FAF1: variants seen among roughly 807,000 people sequenced by gnomAD.
The protein encoded by FAF1 is FAS-associated factor 1.
A neutral mutation model predicts 92.5 loss-of-function variants in FAF1; 25 were observed. The observed-to-expected ratio is 0.27, with a 90% confidence interval of 0.20 to 0.38. The LOEUF (loss-of-function observed/expected upper bound fraction) is 0.38, where lower values mean the gene tolerates loss of function less well. Ranked by LOEUF, FAF1 falls within the 10% of genes least tolerant of loss-of-function variation. The pLI is 1.00. For missense variants in FAF1, 636 were observed against 793.3 expected (o/e 0.80, Z 2.38); for synonymous variants, 234 against 273.2 (o/e 0.86, Z 1.42).
chr1:50,597,693 G>GA (rs1651890027), intron 8 of FAF1, among the ~76,000 whole-genome samples: 1 of 151,966 alleles, frequency 6.6e-6, no homozygotes, highest in South Asian at 2.1e-4. Flanking sequence ...ACATCTTAAG[G>GA]AAAAAATAGC....
At chr1:50,606,473 G>A (rs1380546267) in intron 8 of FAF1, among the ~76,000 whole-genome samples, 4 of 129,604 alleles carry the variant, frequency 3.1e-5, no homozygotes, top group Non-Finnish European at 6.5e-5. Context: ...TAGATATATT[G>A]TAGCTGTGAG....
chr1:50,573,077 C>T (rs1650523788), intron 12 of FAF1, among the ~76,000 whole-genome samples: 1 of 151,698 alleles, frequency 6.6e-6, no homozygotes, highest in Non-Finnish European at 1.5e-5. Context: ...GAGAGAGTGA[C>T]TTCTCTGTGA....
intron 15 of FAF1, among the ~76,000 whole-genome samples, chr1:50,528,482 G>GATTCTTA (rs1015043827): frequency 2.6e-5 from 4 of 151,984 alleles, no homozygotes; most frequent in Admixed American, 2.6e-4. Flanking sequence ...TGACACTAGG[G>GATTCTTA]GTAAATGGAT....
At chr1:50,529,495 A>G (rs1033546682) in intron 15 of FAF1, among the ~76,000 whole-genome samples, 59 of 152,358 alleles carry the variant, frequency 3.9e-4, no homozygotes, top group African/African-American at 1.4e-3. Context: ...TGTGAAATAA[A>G]TGTGAACAAA....
chr1:50,846,431 C>G (rs536261348), intron 2 of FAF1: 3 of 397,882 alleles, frequency 7.5e-6, no homozygotes, highest in South Asian at 3.9e-5. Flanking sequence ...TCCTGGGAAC[C>G]AGCTCGCTTC....
At chr1:50,662,178 GAGAC>G (rs1338565452) in intron 7 of FAF1, among the ~76,000 whole-genome samples, 1 of 152,100 alleles carries the variant, frequency 6.6e-6, no homozygotes, top group Non-Finnish European at 1.5e-5. Context: ...ACAGTAACTG[GAGAC>G]ATTTCTTTTT....
intron 13 of FAF1, among the ~76,000 whole-genome samples, chr1:50,559,915 T>C (rs1031235857): frequency 1.3e-5 from 2 of 152,204 alleles, no homozygotes; most frequent in African/African-American, 4.8e-5. Flanking sequence ...ATAAAGGGAA[T>C]AAAGAAGTTT....
In FAF1 at chr1:50,758,648, G is replaced by A. The variant is rs578241506; in HGVS notation, c.368-13873C>T. On this transcript the variant is annotated intron_variant, in intron 4 of 18. Coordinates refer to ENST00000396153, the MANE Select transcript of FAF1 (RefSeq NM_007051.3). ...TTAACTTAATCTTCCATCTGTTATC[G>A]TTTTCTTTCAGGCTGCCTGGGTGCT... Among the ~76,000 whole-genome samples the A allele has an allele frequency of 2.5e-4, 38 of 152,012 alleles. No homozygotes were observed. The Middle Eastern group carries it at 0.014, about 54-fold the overall frequency.
At chr1:50,894,304 TAAAAAAAAAAAA>T (rs34801737) in intron 1 of FAF1, among the ~76,000 whole-genome samples, 4 of 62,998 alleles carry the variant, frequency 6.3e-5, no homozygotes, top group African/African-American at 1.6e-4. Flanking sequence ...GTCTCAAAAT[TAAAAAAAAAAAA>T]AAAAAAAAAA....
At chr1:50,792,049 T>C (rs1034331832) in intron 3 of FAF1, among the ~76,000 whole-genome samples, 2 of 152,158 alleles carry the variant, frequency 1.3e-5, no homozygotes, top group Non-Finnish European at 2.9e-5. Context: ...CTAATTACGA[T>C]GATATGCCTA....
chr1:50,733,191 T>G (rs1282931584), intron 6 of FAF1, among the ~76,000 whole-genome samples: 2 of 152,204 alleles, frequency 1.3e-5, no homozygotes, highest in Non-Finnish European at 2.9e-5. Flanking sequence ...CACTTATCAG[T>G]TTAGCTTCAC....
At chr1:50,634,961 T>C (rs904606422) in intron 8 of FAF1, among the ~76,000 whole-genome samples, 1 of 152,228 alleles carries the variant, frequency 6.6e-6, no homozygotes, top group African/African-American at 2.4e-5. Context: ...ATATAATTTC[T>C]ATTAAAAATT....
At chr1:50,675,573 G>A (rs1390722262) in intron 7 of FAF1, among the ~76,000 whole-genome samples, 1 of 152,180 alleles carries the variant, frequency 6.6e-6, no homozygotes, top group Non-Finnish European at 1.5e-5. Flanking sequence ...CCAGAAGTCA[G>A]GAATCCTGTT....
rs1050300685 is a variant in FAF1 at position 50,439,301 on chromosome 1, C to T, written c.*2139G>A. Reference sequence around the variant, plus strand: ...GGCCTTTTGTCTGAAGCTTAGTAGACCATCATGTCCTGAGTGAACAGTGAC... The same window carrying T: ...GGCCTTTTGTCTGAAGCTTAGTAGATCATCATGTCCTGAGTGAACAGTGAC... On this transcript the variant is annotated 3_prime_UTR_variant, in exon 19 of 19. Coordinates refer to ENST00000396153, the MANE Select transcript of FAF1 (RefSeq NM_007051.3). 6.6e-6 allele frequency: 1 copy of T among 152,176 alleles called. No individual in the cohort carries two copies. The highest frequency in any genetic ancestry group is 6.5e-5 in the Admixed American group (1 of 15,276). The allele number at this position is 152,176 out of a possible 1,614,324, so 9.4% of individuals were successfully genotyped here. A position where few individuals can be genotyped will look rare whatever the true frequency, so the allele number is the denominator to read the frequency against.
At chr1:50,674,808 AAAGAT>A (rs1486641161) in intron 7 of FAF1, among the ~76,000 whole-genome samples, 25 of 152,332 alleles carry the variant, frequency 1.6e-4, no homozygotes, top group African/African-American at 6.0e-4. Flanking sequence ...TTGAAAAAGA[AAAGAT>A]GAGAACAGCT....
At chr1:50,538,867 C>A (rs999983815) in intron 14 of FAF1, among the ~76,000 whole-genome samples, 5 of 152,166 alleles carry the variant, frequency 3.3e-5, no homozygotes, top group African/African-American at 1.2e-4. Context: ...CACATATCCC[C>A]TCCTCCCAAT....
intron 1 of FAF1, among the ~76,000 whole-genome samples, chr1:50,942,728 CAG>C (rs1645143249): frequency 2.0e-5 from 3 of 151,500 alleles, no homozygotes; most frequent in Admixed American, 2.0e-4. Flanking sequence ...TAACGGCAGC[CAG>C]AGTTTTAGTT....
intron 17 of FAF1, among the ~76,000 whole-genome samples, chr1:50,483,316 T>G (rs549763624): frequency 6.6e-6 from 1 of 152,180 alleles, no homozygotes; most frequent in Non-Finnish European, 1.5e-5. Flanking sequence ...TGACCATATA[T>G]GTGTGGGTCT....
At chr1:50,744,919 G>T (rs1659527438) in intron 4 of FAF1, 144 bp from the exon 5 acceptor site, 2 of 471,346 alleles carry the variant, frequency 4.2e-6, no homozygotes, top group African/African-American at 2.0e-5. Context: ...CTATAAAATG[G>T]GAAATAATAT....
Sources: allele counts gnomAD v4.1 joint callset (sites outside exome capture counted in the v4.1 genomes callset), GRCh38; gene constraint gnomAD v4.1.1; transcripts MANE v1.5; gene names NCBI Gene and HGNC (gene_info 2026-07-23, HGNC 2026-07-21).